The following HMCES variants were observed in gnomAD, a reference collection of about 807,000 sequenced individuals.
The protein encoded by HMCES is abasic site processing protein HMCES.
A neutral mutation model predicts 35.1 loss-of-function variants in HMCES; 27 were observed. The ratio of observed to expected loss-of-function variants is 0.77; its 90% confidence interval spans 0.57 to 1.06. The LOEUF (loss-of-function observed/expected upper bound fraction) is 1.06. Ranked by LOEUF, HMCES falls within the 50% of genes least tolerant of loss-of-function variation. HMCES has a pLI of 0.00. For synonymous variants in HMCES, 130 were observed against 154.7 expected (o/e 0.84, Z 1.18); for missense variants, 391 against 430.4 (o/e 0.91, Z 0.81).
chr3:129,295,446 C>A (rs1448121848), intron 4 of HMCES, among the ~76,000 whole-genome samples: 9 of 145,878 alleles, frequency 6.2e-5, no homozygotes, highest in South Asian at 2.2e-4. Context: ...AAAAAAAAAA[C>A]AAAAAAAACC....
intron 5 of HMCES, 140 bp downstream of exon 5, chr3:129,298,675 C>G: frequency 1.4e-6 from 1 of 707,922 alleles, no homozygotes; most frequent in Non-Finnish European, 2.3e-6. Context: ...ACATGACATA[C>G]ATTCCTAAAA....
intron 4 of HMCES, among the ~76,000 whole-genome samples, chr3:129,293,826 C>G (rs2071055591): frequency 6.6e-6 from 1 of 152,042 alleles, no homozygotes. Context: ...CCTCAGCACC[C>G]CCTAAGTGCT....
Position 129,279,579 on chromosome 3 carries a change from G to T in HMCES, c.-23-131G>T. 1.1e-6 allele frequency: 1 copy of T among 870,254 alleles called. No individual in the cohort carries two copies. Among genetic ancestry groups the T allele is most frequent in the Non-Finnish European group, 1.8e-6 (1 of 571,072 alleles). 53.9% of individuals were successfully genotyped at this position (870,254 alleles called of 1,614,324 possible). ...CATCCTTGTCTTTGTGGGACTTTTTGGGGAAGACTTTAGACGGTGGTCACG... is the reference window on the plus strand; with the variant it reads ...CATCCTTGTCTTTGTGGGACTTTTTTGGGAAGACTTTAGACGGTGGTCACG... On this transcript the variant is annotated intron_variant, in intron 1 of 6. Coordinates refer to ENST00000383463, the MANE Select transcript of HMCES (RefSeq NM_020187.3). The surrounding 1 kb of genome is among the most constrained non-coding windows in gnomAD (Gnocchi z 4.2).
intron 4 of HMCES, among the ~76,000 whole-genome samples, chr3:129,294,489 T>C (rs1199290240): frequency 1.3e-5 from 2 of 151,706 alleles, no homozygotes; most frequent in Non-Finnish European, 2.9e-5. Flanking sequence ...ACATTTTAAG[T>C]TAATAACATT....
Position 129,279,859 on chromosome 3 carries a change from A to G in HMCES, c.127A>G (p.Asn43Asp), listed in dbSNP as rs1940415970. 6.2e-7 allele frequency: 1 copy of G among 1,610,974 alleles called. No homozygotes were observed. The highest frequency in any genetic ancestry group is 1.1e-5 in the South Asian group (1 of 90,536). Residue 43 changes from asparagine (N) to aspartate (D), a missense_variant, in exon 2 of 7, where the codon AAC becomes GAC. Asn to Asp is a conservative substitution (Grantham distance 23). Transcript: ENST00000383463. This position sits in a 1 kb window ranked among gnomAD's most constrained non-coding sequence, Gnocchi z 4.2. ...CCCTGATAAGTACTGCCCCTCTTAC[A>G]ACAAGAGTCCTCAATCCAACAGCCC... ...RDPDKYCPSY[N>D]KSPQSNSPVL...
chr3:129,287,209 GT>G (rs1250366064), intron 2 of HMCES, among the ~76,000 whole-genome samples: 5 of 149,154 alleles, frequency 3.4e-5, no homozygotes, highest in South Asian at 2.1e-4. Flanking sequence ...TTTTTGTGGG[GT>G]TTTTTTGTTT....
intron 4 of HMCES, among the ~76,000 whole-genome samples, chr3:129,292,497 C>CT (rs763165708): frequency 0.012 from 1,609 of 133,790 alleles, 33 homozygotes; most frequent in African/African-American, 0.038. Context: ...TTTTTTTCTT[C>CT]TTTTTTTTTT....
chr3:129,282,857 A>G (rs1940535665), intron 2 of HMCES, among the ~76,000 whole-genome samples: 3 of 152,302 alleles, frequency 2.0e-5, no homozygotes, highest in Non-Finnish European at 4.4e-5. Flanking sequence ...GATGACTAAT[A>G]TTGAGCAATG....
At chr3:129,291,079 G>T (rs2107691063) in intron 4 of HMCES, among the ~76,000 whole-genome samples, 1 of 152,182 alleles carries the variant, frequency 6.6e-6, no homozygotes, top group Middle Eastern at 3.4e-3. Flanking sequence ...GTGTGTGCCT[G>T]TAGTCCCAGC....
At chr3:129,289,923 C>T (rs1435356178) in intron 3 of HMCES, among the ~76,000 whole-genome samples, 1 of 152,058 alleles carries the variant, frequency 6.6e-6, no homozygotes, top group Non-Finnish European at 1.5e-5. Context: ...CACGGTGGCT[C>T]ACACCTATAA....
In HMCES at chr3:129,290,744, T is replaced by C. The variant is rs554211085; in HGVS notation, c.393T>C (p.Cys131=). The C allele has an allele frequency of 3.1e-5, 50 of 1,613,616 alleles. 1 individual carries two copies. In the South Asian group the frequency reaches 5.1e-4, roughly 16 times the overall value. Residue 131 remains cysteine (C), a synonymous_variant, in exon 4 of 7, where the codon TGT becomes TGC. Coordinates refer to ENST00000383463, the MANE Select transcript of HMCES (RefSeq NM_020187.3). The stretch of plus-strand genomic sequence containing the variant: ...ATGGATTCTATGAGTGGCAGCGATG[T>C]CAGGGAACAAACCAGAGGCAGCCAT... ...LADGFYEWQR[C]QGTNQRQPYF...
chr3:129,280,026 C>T, intron 2 of HMCES, 111 bp downstream of exon 2: 1 of 872,030 alleles, frequency 1.1e-6, no homozygotes, highest in Non-Finnish European at 1.7e-6. Flanking sequence ...CCAGCCTTTA[C>T]TGATATATTC....
intron 4 of HMCES, among the ~76,000 whole-genome samples, chr3:129,291,797 C>T (rs981211787): frequency 1.1e-4 from 17 of 152,042 alleles, no homozygotes; most frequent in African/African-American, 1.2e-4. Flanking sequence ...TGTGGCTGGG[C>T]GCAGTGGTTC....
intron 4 of HMCES, among the ~76,000 whole-genome samples, chr3:129,295,580 CTG>C (rs2071082466): frequency 6.6e-6 from 1 of 152,162 alleles, no homozygotes; most frequent in Non-Finnish European, 1.5e-5. Context: ...CAACCACTGT[CTG>C]GTATTTTTCA....
chr3:129,290,575 G>A (rs920506578), intron 3 of HMCES, 104 bp from the exon 4 acceptor site: 33 of 1,235,742 alleles, frequency 2.7e-5, no homozygotes, highest in African/African-American at 9.1e-5. Flanking sequence ...TGAGCCACCC[G>A]CCTGGCCCAA....
At chr3:129,297,659 GATA>G (rs1376458805) in intron 4 of HMCES, among the ~76,000 whole-genome samples, 1 of 152,022 alleles carries the variant, frequency 6.6e-6, no homozygotes, top group Non-Finnish European at 1.5e-5. Flanking sequence ...GTAGAAATGT[GATA>G]ATAACATTAT....
At position 129,305,753 on chromosome 3, in the gene HMCES, G is replaced by C. The variant is rs1002727401; in HGVS notation, c.*928G>C. On this transcript the variant is annotated 3_prime_UTR_variant, in exon 7 of 7. Coordinates refer to ENST00000383463, the MANE Select transcript of HMCES (RefSeq NM_020187.3). ...TGGCGTTGGCCGATTGCTGCTGGTG[G>C]GGGGCGGGGGTGCAGGCCCCAGTCT... 6.6e-6 allele frequency: 1 copy of C among 152,398 alleles called. No individual in the cohort carries two copies. The allele number at this position is 152,398 out of a possible 1,614,324, so 9.4% of individuals were successfully genotyped here. A position where few individuals can be genotyped will look rare whatever the true frequency, so the allele number is the denominator to read the frequency against.
intron 4 of HMCES, among the ~76,000 whole-genome samples, chr3:129,296,192 G>A (rs1227436747): frequency 1.3e-5 from 2 of 151,974 alleles, no homozygotes; most frequent in African/African-American, 4.8e-5. Flanking sequence ...CAAATAGCTG[G>A]GATTACAGGC....
intron 5 of HMCES, among the ~76,000 whole-genome samples, chr3:129,299,002 G>T (rs1284177724): frequency 1.3e-5 from 2 of 152,156 alleles, no homozygotes; most frequent in African/African-American, 4.8e-5. Context: ...AACTAAATTA[G>T]CCGGGCATGG....
Sources: allele counts gnomAD v4.1 joint callset (sites outside exome capture counted in the v4.1 genomes callset), GRCh38; gene constraint gnomAD v4.1.1; non-coding constraint Gnocchi (gnomAD v3.1); transcripts MANE v1.5; gene names NCBI Gene and HGNC (gene_info 2026-07-23, HGNC 2026-07-21).